The following TIAM1 variants were observed in gnomAD, a reference collection of about 807,000 sequenced individuals.
TIAM1 encodes TIAM Rac1 associated GEF 1.
Under a neutral mutation model 163.5 loss-of-function variants are expected in TIAM1, and 65 were observed. The ratio of observed to expected loss-of-function variants is 0.40; its 90% confidence interval spans 0.33 to 0.49. The LOEUF (loss-of-function observed/expected upper bound fraction) is 0.49, where lower values mean the gene tolerates loss of function less well. Ranked by LOEUF, TIAM1 falls within the 20% of genes least tolerant of loss-of-function variation. The pLI is 0.77. For missense variants in TIAM1, 1,789 were observed against 2,044.7 expected (o/e 0.87, Z 2.41); for synonymous variants, 833 against 810.1 (o/e 1.03, Z -0.48).
chr21:31,128,905 G>A (rs1489669291), intron 25 of TIAM1, among the ~76,000 whole-genome samples: 2 of 152,180 alleles, frequency 1.3e-5, no homozygotes, highest in African/African-American at 4.8e-5. Context: ...CATGACGTTG[G>A]ACTAGGGTGG....
At chr21:31,288,000 G>C in intron 2 of TIAM1, among the ~76,000 whole-genome samples, 1 of 152,204 alleles carries the variant, frequency 6.6e-6, no homozygotes, top group Admixed American at 6.5e-5. Context: ...TACATCCTTT[G>C]AGGAAAGAAG....
intron 15 of TIAM1, among the ~76,000 whole-genome samples, chr21:31,175,314 A>G (rs2084708032): frequency 6.6e-6 from 1 of 152,150 alleles, no homozygotes; most frequent in Admixed American, 6.5e-5. Flanking sequence ...CTTCGCCCCA[A>G]CTGGTCAAGT....
chr21:31,552,535 A>T (rs964696443), intron 1 of TIAM1, among the ~76,000 whole-genome samples: 4 of 152,092 alleles, frequency 2.6e-5, no homozygotes, highest in African/African-American at 9.7e-5. Flanking sequence ...GCACTTTGGG[A>T]GGCCGGGGCA....
Position 31,180,102 on chromosome 21 carries a change from C to T in TIAM1, c.2887+2319G>A, listed in dbSNP as rs543320530. ...TGTATTTTTAACAGAGGTGGTGTTT[C>T]ACCATGTTGGCCAGGCTGGTCTCAA... On this transcript the variant is annotated intron_variant, in intron 15 of 27. Transcript: ENST00000541036. Among the ~76,000 whole-genome samples, 5 of 152,156 alleles carry T rather than the reference C, an allele frequency of 3.3e-5. No homozygotes were observed. In the East Asian group the frequency reaches 9.7e-4, roughly 29 times the overall value.
rs2074076555 is a variant in TIAM1, at chr21:31,292,729, G to GAC, written c.-188-15822_-188-15821insGT. The stretch of plus-strand genomic sequence containing the variant: ...TGTTACCCAGGCTGGAGTGCAACGC[G>GAC]GTGATCTCAGCTCACTGCAACCTCC... On this transcript the variant is annotated intron_variant, in intron 2 of 27. Coordinates refer to ENST00000541036, the MANE Select transcript of TIAM1 (RefSeq NM_001353694.2). Among the ~76,000 whole-genome samples the GAC allele has an allele frequency of 2.0e-5, 3 of 150,528 alleles. No individual in the cohort carries two copies. In the East Asian group the frequency reaches 5.9e-4, roughly 30 times the overall value.
chr21:31,210,631 AAG>A lies in TIAM1; in HGVS notation c.2218-418_2218-417del, dbSNP rs1491162430. ...GAAGGAAGGGAGAAAGAAAGAAAGAAAGAAAGAAAGAAAGAAAGAAAGAAAGA... is the reference window on the plus strand; with the variant it reads ...GAAGGAAGGGAGAAAGAAAGAAAGAAAAAGAAAGAAAGAAAGAAAGAAAGA... On this transcript the variant is annotated intron_variant, in intron 10 of 27. Transcript: ENST00000541036. 4.3e-4 allele frequency among the ~76,000 whole-genome samples: 10 copies of A among 23,510 alleles called. 1 individual carries two copies. Among genetic ancestry groups the A allele is most frequent in the African/African-American group, 2.2e-3 (10 of 4,530 alleles). 15.4% of individuals were successfully genotyped at this position (23,510 alleles called of 152,430 possible). A position where few individuals can be genotyped will look rare whatever the true frequency, so the allele number is the denominator to read the frequency against.
At chr21:31,161,035 T>TTGTGTGTGTGTGTGTG (rs10582770) in intron 16 of TIAM1, 9 of 143,370 alleles carry the variant, frequency 6.3e-5, no homozygotes, top group East Asian at 4.1e-4. Flanking sequence ...CTAAGAAAAG[T>TTGTGTGTGTGTGTGTG]TGTGTGTGTG....
chr21:31,228,228 A>T (rs1490795306), intron 6 of TIAM1, among the ~76,000 whole-genome samples: 4 of 26,696 alleles, frequency 1.5e-4, no homozygotes, highest in Non-Finnish European at 2.8e-4. Context: ...TTTAAAAAAA[A>T]AAAAAAAAAA....
intron 2 of TIAM1, among the ~76,000 whole-genome samples, chr21:31,428,893 A>G (rs2043895820): frequency 6.6e-6 from 1 of 152,068 alleles, no homozygotes; most frequent in African/African-American, 2.4e-5. Flanking sequence ...AAAAAAAAAA[A>G]AAAGTAAAAG....
At chr21:31,360,337 T>G (rs1343085402) in intron 2 of TIAM1, among the ~76,000 whole-genome samples, 1 of 151,902 alleles carries the variant, frequency 6.6e-6, no homozygotes, top group East Asian at 1.9e-4. Flanking sequence ...AGAAAAAAAT[T>G]TACTATATAT....
chr21:31,282,881 A>G (rs1159257642), intron 2 of TIAM1, among the ~76,000 whole-genome samples: 1 of 152,262 alleles, frequency 6.6e-6, no homozygotes, highest in East Asian at 1.9e-4. Flanking sequence ...GTTTTGGGCA[A>G]TGTTACTTCC....
intron 1 of TIAM1, among the ~76,000 whole-genome samples, chr21:31,508,636 C>T (rs560493089): frequency 2.0e-5 from 3 of 152,184 alleles, no homozygotes; most frequent in South Asian, 2.1e-4. Context: ...GTGATCTGCC[C>T]GCCTCTGCTT....
At chr21:31,388,256 CA>C in intron 2 of TIAM1, among the ~76,000 whole-genome samples, 1 of 96,786 alleles carries the variant, frequency 1.0e-5, no homozygotes, top group Non-Finnish European at 2.3e-5. Flanking sequence ...CACACACACA[CA>C]CAACCTCTTA....
intron 2 of TIAM1, among the ~76,000 whole-genome samples, chr21:31,428,895 AAG>A (rs573196060): frequency 0.013 from 2,025 of 152,026 alleles, 41 homozygotes; most frequent in African/African-American, 0.046. Flanking sequence ...AAAAAAAAAA[AAG>A]TAAAAGTAAA....
At chr21:31,179,211 A>AC (rs1235819583) in intron 15 of TIAM1, among the ~76,000 whole-genome samples, 2 of 150,640 alleles carry the variant, frequency 1.3e-5, no homozygotes, top group Admixed American at 6.6e-5. Flanking sequence ...ACATGGTGAA[A>AC]CCCCATCTCT....
chr21:31,388,259 A>ACACACACACAC (rs1555964695), intron 2 of TIAM1, among the ~76,000 whole-genome samples: 3,185 of 98,092 alleles, frequency 0.032, 86 homozygotes, highest in Middle Eastern at 0.061. Context: ...ACACACACAC[A>ACACACACACAC]ACCTCTTACG....
intron 4 of TIAM1, among the ~76,000 whole-genome samples, chr21:31,254,740 C>T (rs938945581): frequency 3.3e-5 from 5 of 152,168 alleles, no homozygotes; most frequent in Admixed American, 1.3e-4. Context: ...CCCATGCCTT[C>T]CCCCTTTTCT....
chr21:31,384,650 C>G (rs956947121), intron 2 of TIAM1, among the ~76,000 whole-genome samples: 1 of 152,124 alleles, frequency 6.6e-6, no homozygotes, highest in African/African-American at 2.4e-5. Context: ...CAGGATCATA[C>G]AGCTTGAGTT....
chr21:31,333,252 CACTTT>C (rs900342002), intron 2 of TIAM1, among the ~76,000 whole-genome samples: 1 of 152,094 alleles, frequency 6.6e-6, no homozygotes, highest in Non-Finnish European at 1.5e-5. Flanking sequence ...CTAGTCCAGG[CACTTT>C]ACTTCTCTCC....
Sources: gnomAD v4.1 joint callset for allele counts (sites outside exome capture counted in the v4.1 genomes callset) on GRCh38, gnomAD v4.1.1 for gene constraint, MANE v1.5 for transcripts, NCBI Gene and HGNC (gene_info 2026-07-23, HGNC 2026-07-21) for gene names.